RP1: variants seen among roughly 807,000 people sequenced by gnomAD.
RP1 encodes oxygen-regulated protein 1.
Under a neutral mutation model 14.8 loss-of-function variants are expected in RP1, and 16 were observed. That is an observed-to-expected ratio of 1.08 (90% CI 0.73 to 1.65). RP1 has a LOEUF of 1.65. RP1 is among the 40% of genes most tolerant of loss of function. The pLI, the probability that RP1 is intolerant of heterozygous loss-of-function variation, is 0.00. For missense variants in RP1, 2,631 were observed against 2,535.0 expected, an observed-to-expected ratio of 1.04 and a Z score of -0.81; for synonymous variants, 876 against 883.6, an observed-to-expected ratio of 0.99 and a Z score of 0.15.
chr8:54,758,845 T>A, intron 21 of RP1: 1 of 1,415,014 alleles, frequency 7.1e-7, no homozygotes, highest in Non-Finnish European at 9.5e-7. Context: ...GTCGTTTAAC[T>A]ATTATTATTG....
At chr8:54,699,072 A>G (rs1230833747) in intron 12 of RP1, among the ~76,000 whole-genome samples, 2 of 151,534 alleles carry the variant, frequency 1.3e-5, no homozygotes, top group Non-Finnish European at 2.9e-5. Flanking sequence ...TTATCATGAA[A>G]TCATTTTGTA....
At chr8:54,688,163 GT>G (rs1268089166) in intron 12 of RP1, among the ~76,000 whole-genome samples, 3 of 151,960 alleles carry the variant, frequency 2.0e-5, no homozygotes, top group Admixed American at 6.6e-5. Context: ...AGGGTTGTTT[GT>G]TTTTTTCCTA....
At chr8:54,656,283 C>T (rs2129327339) in intron 6 of RP1, 1 of 1,445,862 alleles carries the variant, frequency 6.9e-7, no homozygotes, top group South Asian at 1.3e-5. Context: ...GGACAGGGAA[C>T]CAATAAACAC....
intron 17 of RP1, among the ~76,000 whole-genome samples, chr8:54,728,664 AAT>A (rs1808718641): frequency 6.6e-6 from 1 of 152,178 alleles, no homozygotes; most frequent in Non-Finnish European, 1.5e-5. Context: ...ATATATGATA[AAT>A]AGTTATTTTG....
chr8:54,675,996 G>A (rs953082639), intron 8 of RP1, among the ~76,000 whole-genome samples: 1 of 151,914 alleles, frequency 6.6e-6, no homozygotes, highest in Non-Finnish European at 1.5e-5. Context: ...ATGGTGGAAG[G>A]GCAAAAAGGC....
intron 24 of RP1, among the ~76,000 whole-genome samples, chr8:54,834,828 T>C (rs903155140): frequency 5.3e-5 from 8 of 152,052 alleles, no homozygotes; most frequent in African/African-American, 1.7e-4. Context: ...GCAATCAATA[T>C]GTAAAATGAA....
At chr8:54,816,450 T>C (rs1467420580) in intron 24 of RP1, among the ~76,000 whole-genome samples, 2 of 152,238 alleles carry the variant, frequency 1.3e-5, no homozygotes, top group East Asian at 3.9e-4. Flanking sequence ...ACTGGACTTT[T>C]AATGAAAAGT....
chr8:54,722,795 G>T (rs1585636604), intron 16 of RP1, among the ~76,000 whole-genome samples: 1 of 152,110 alleles, frequency 6.6e-6, no homozygotes, highest in Non-Finnish European at 1.5e-5. Context: ...GGTAGGAAGA[G>T]AATCTAAGTT....
intron 18 of RP1, among the ~76,000 whole-genome samples, chr8:54,737,409 A>C (rs1386848446): frequency 6.6e-6 from 1 of 152,198 alleles, no homozygotes; most frequent in African/African-American, 2.4e-5. Flanking sequence ...TTTCACTTAA[A>C]TTGTGGAGAA....
chr8:54,633,261 T>C (rs1806283363), downstream of RP1, among the ~76,000 whole-genome samples: 3 of 152,278 alleles, frequency 2.0e-5, no homozygotes, highest in South Asian at 4.1e-4. Context: ...AAATGCCAGC[T>C]GTCAAGAATC....
At chr8:54,585,938 T>A (rs7842202) in intron 1 of RP1, among the ~76,000 whole-genome samples, 10,953 of 152,112 alleles carry the variant, frequency 0.072, 1,213 homozygotes, top group African/African-American at 0.24. Context: ...TGCCATGGGT[T>A]CGAACTTCCT....
At chr8:54,719,589 T>C in intron 15 of RP1, among the ~76,000 whole-genome samples, 1 of 152,250 alleles carries the variant, frequency 6.6e-6, no homozygotes, top group Non-Finnish European at 1.5e-5. Context: ...GTTATAATAA[T>C]CTGAGGGTGT....
At chr8:54,663,552 A>G in intron 6 of RP1, 1 of 610,300 alleles carries the variant, frequency 1.6e-6, no homozygotes. Context: ...AACATAGTAT[A>G]TATAGAATTT....
intron 5 of RP1, among the ~76,000 whole-genome samples, chr8:54,655,761 T>C (rs1249582669): frequency 6.6e-6 from 1 of 152,176 alleles, no homozygotes; most frequent in African/African-American, 2.4e-5. Flanking sequence ...CACGTGTCTG[T>C]AGTCCCAGCT....
chr8:54,727,049 C>T (rs533337357), intron 17 of RP1, among the ~76,000 whole-genome samples: 5 of 152,150 alleles, frequency 3.3e-5, no homozygotes, highest in Non-Finnish European at 7.4e-5. Context: ...AGGGGACCAT[C>T]TCTGGGGGAC....
chr8:54,689,853 T>G (rs1807668102), intron 12 of RP1, among the ~76,000 whole-genome samples: 1 of 152,028 alleles, frequency 6.6e-6, no homozygotes, highest in Admixed American at 6.6e-5. Context: ...AGTTATACAG[T>G]CACCATATCT....
intron 25 of RP1, among the ~76,000 whole-genome samples, chr8:54,846,099 C>A (rs987553101): frequency 5.3e-5 from 8 of 152,082 alleles, no homozygotes; most frequent in Non-Finnish European, 1.0e-4. Flanking sequence ...AATGGGCCAC[C>A]AAGGGAAAGA....
intron 24 of RP1, among the ~76,000 whole-genome samples, chr8:54,804,264 A>G (rs1020925747): frequency 6.6e-6 from 1 of 152,106 alleles, no homozygotes; most frequent in African/African-American, 2.4e-5. Context: ...TTAATTTAAA[A>G]AAGGCAACTT....
chr8:54,660,707 A>T (rs770657007), intron 6 of RP1, among the ~76,000 whole-genome samples: 1 of 151,896 alleles, frequency 6.6e-6, no homozygotes, highest in Non-Finnish European at 1.5e-5. Context: ...TGTTGTTATG[A>T]TGGTGTCTCT....
Sources: gnomAD v4.1 joint callset for allele counts (sites outside exome capture counted in the v4.1 genomes callset) on GRCh38, gnomAD v4.1.1 for gene constraint, MANE v1.5 for transcripts, NCBI Gene and HGNC (gene_info 2026-07-23, HGNC 2026-07-21) for gene names.